MGAM: variants seen among roughly 807,000 people sequenced by gnomAD.
MGAM encodes maltase-glucoamylase, also known as alpha-1,4-glucosidase.
A neutral mutation model predicts 358.8 loss-of-function variants in MGAM; 253 were observed. That is an observed-to-expected ratio of 0.71 (90% CI 0.64 to 0.78). MGAM has a LOEUF of 0.78. MGAM is among the 30% of genes least tolerant of loss of function. The pLI, the probability that MGAM is intolerant of heterozygous loss-of-function variation, is 0.00. For synonymous variants in MGAM, 1,105 were observed against 1,227.1 expected (o/e 0.90, Z 2.08); for missense variants, 3,080 against 3,432.6 (o/e 0.90, Z 2.57).
At chr7:141,994,267 C>A (rs1554447943), upstream of MGAM, among the ~76,000 whole-genome samples, 1 of 152,178 alleles carries the variant, frequency 6.6e-6, no homozygotes, top group Non-Finnish European at 1.5e-5. Context: ...ATGAGAACAG[C>A]AGGCATTGCA....
chr7:142,059,728 C>T, intron 32 of MGAM, 128 bp downstream of exon 32: 1 of 1,570,912 alleles, frequency 6.4e-7, no homozygotes, highest in East Asian at 2.3e-5. Context: ...GTGTATTTCC[C>T]AGGACTCACA....
rs1241708113 is a variant in MGAM, at chr7:142,089,791, GA to G, written c.6811-2113del. ...GACACAGCGAGACTCCGTCTCAGAA[GA>G]AAAAAAAAGGAAGGAAAGTTATTAA... is the stretch of plus-strand genomic sequence containing the variant. On this transcript the variant is annotated intron_variant, in intron 57 of 70. Coordinates refer to ENST00000475668, the MANE Select transcript of MGAM (RefSeq NM_001365693.1). Among the ~76,000 whole-genome samples the G allele has an allele frequency of 5.6e-5, 8 of 142,372 alleles. 1 individual carries two copies. Among genetic ancestry groups the G allele is most frequent in the African/African-American group, 2.0e-4 (8 of 40,306 alleles). 93.4% of individuals were successfully genotyped at this position (142,372 alleles called of 152,430 possible).
chr7:142,062,304 C>T (rs186188831), intron 34 of MGAM, among the ~76,000 whole-genome samples: 11 of 152,236 alleles, frequency 7.2e-5, no homozygotes, highest in Middle Eastern at 3.4e-3. Context: ...GTCACTAGTT[C>T]GGGTCATTGA....
chr7:142,022,359 G>A lies in MGAM; in HGVS notation c.802G>A (p.Glu268Lys), dbSNP rs1223926013. Residue 268 changes from glutamate (E) to lysine (K), a missense_variant, in exon 7 of 71, where the codon GAG (glutamate) becomes AAG (lysine). By Grantham distance (56) the Glu-to-Lys change is moderately conservative. This residue lies in a region of MGAM where 1,816 missense variants were observed against 1,840.5 expected (regional missense o/e 0.99). Coordinates refer to ENST00000475668, the MANE Select transcript of MGAM (RefSeq NM_001365693.1). The part of the protein sequence containing the change: ...LPSTNVYGLG[E>K]HVHQQYRHDM... ...TAGCACTAACGTGTATGGCCTGGGAGAGCATGTGCACCAGCAGTATCGGCA... is the reference window on the plus strand; with the variant it reads ...TAGCACTAACGTGTATGGCCTGGGAAAGCATGTGCACCAGCAGTATCGGCA... 4 of 1,613,652 alleles carry A rather than the reference G, an allele frequency of 2.5e-6. No homozygotes were observed. Among genetic ancestry groups the A allele is most frequent in the Non-Finnish European group, 3.4e-6 (4 of 1,179,740 alleles).
intron 44 of MGAM, among the ~76,000 whole-genome samples, chr7:142,071,753 A>G (rs1364640308): frequency 6.9e-6 from 1 of 145,750 alleles, no homozygotes; most frequent in Non-Finnish European, 1.6e-5. Flanking sequence ...TTCTCCCGCT[A>G]AGAGATTTCT....
chr7:142,048,040 G>A (rs1367114763), intron 22 of MGAM, among the ~76,000 whole-genome samples, 167 bp downstream of exon 22: 1 of 152,074 alleles, frequency 6.6e-6, no homozygotes, highest in Admixed American at 6.6e-5. Flanking sequence ...AGTGGTAGAT[G>A]ACCTACAAAG....
Position 142,058,300 on chromosome 7 carries a change from A to C in MGAM, c.3791A>C (p.Asp1264Ala). The change falls in exon 31 of 71, where the codon GAT becomes GCT. Residue 1264 changes from aspartate to alanine, a missense_variant. Asp to Ala is a moderately radical substitution (Grantham distance 126). Transcript: ENST00000475668. ...GACTCTGAGATCGCCAGCTTGTATG[A>C]TGAGATGGTGGCTGCCCAGATCCCT... ...QNDSEIASLYDEMVAAQIPYD... is the reference protein window; with the variant it reads ...QNDSEIASLYAEMVAAQIPYD... 1 of 1,613,906 alleles carries C rather than the reference A, an allele frequency of 6.2e-7. No homozygotes were observed. The highest frequency in any genetic ancestry group is 8.5e-7 in the Non-Finnish European group (1 of 1,179,842).
chr7:142,075,812 A>G (rs6464457), intron 45 of MGAM, among the ~76,000 whole-genome samples: 64,275 of 144,822 alleles, frequency 0.44, 18,309 homozygotes, highest in Middle Eastern at 0.62. Flanking sequence ...TGGAGAAAAT[A>G]GAATTTTTTA....
intron 1 of MGAM, among the ~76,000 whole-genome samples, chr7:141,999,897 T>A (rs950263625): frequency 4.0e-5 from 6 of 151,122 alleles, no homozygotes; most frequent in Admixed American, 6.6e-5. Flanking sequence ...AATCAGATAA[T>A]GCTGGAGTTT....
At position 142,059,406 on chromosome 7, in the gene MGAM, G is replaced by C. The variant is rs116728083; in HGVS notation, c.3820-66G>C. 6,637 of 1,562,656 alleles carry C rather than the reference G, an allele frequency of 4.2e-3. 201 individuals are homozygous for C. In the African/African-American group the frequency reaches 0.07, roughly 16 times the overall value. On this transcript the variant is annotated intron_variant, in intron 31 of 70. Transcript: ENST00000475668. ...GGAATTCCACCATGGGTGGTGGAGG[G>C]TTGTTCTCCTATAAAGCTTGGGCGT... is the stretch of plus-strand genomic sequence containing the variant.
Position 142,086,236 on chromosome 7 carries a change from A to G in MGAM, c.6655A>G (p.Asn2219Asp). 3.2e-6 allele frequency: 5 copies of G among 1,539,724 alleles called. 2 individuals are homozygous for G. Among genetic ancestry groups the G allele is most frequent in the Non-Finnish European group, 4.4e-6 (5 of 1,123,656 alleles). Reference protein sequence around the residue: ...ILILDPAISGNETQPYPAFTR... With the variant: ...ILILDPAISGDETQPYPAFTR... ...ATTTCAGGATCCAGCCATTTCTGGC[A>G]ATGAGACACAGCCCTATCCTGCCTT... is the stretch of plus-strand genomic sequence containing the variant. Residue 2219 changes from asparagine to aspartate, a missense_variant, in exon 56 of 71, where the codon AAT (asparagine) becomes GAT (aspartate). Around this residue, in one of 5 missense-constraint regions of MGAM, gnomAD observed 932 missense variants for 1,198.2 expected, o/e 0.78. Transcript: ENST00000475668.
intron 24 of MGAM, among the ~76,000 whole-genome samples, chr7:142,051,738 G>T (rs1810969425): frequency 6.6e-6 from 1 of 151,996 alleles, no homozygotes; most frequent in Non-Finnish European, 1.5e-5. Flanking sequence ...TGATTATTAT[G>T]CCCTGTATGC....
Position 142,062,691 on chromosome 7 carries a change from G to A in MGAM, c.4246G>A (p.Gly1416Ser), listed in dbSNP as rs1348494719. 3 of 1,609,460 alleles carry A rather than the reference G, an allele frequency of 1.9e-6. No homozygotes were observed. In the East Asian group the frequency reaches 6.7e-5, roughly 36 times the overall value. The change falls in exon 35 of 71, where the codon GGC becomes AGC. Residue 1416 changes from glycine to serine, a missense_variant. Gly to Ser is a moderately conservative substitution (Grantham distance 56). Coordinates refer to ENST00000475668, the MANE Select transcript of MGAM (RefSeq NM_001365693.1). ...TCCAGAGAGGAGCTTGAAGTTTGAT[G>A]GCATGTGGATTGTAAGTGTGTGTGT... ...QNPERSLKFD[G>S]MWIDMNEPSS... is the part of the protein sequence containing the mutation.
chr7:142,001,088 A>C (rs1293502492), intron 1 of MGAM, among the ~76,000 whole-genome samples: 1 of 152,216 alleles, frequency 6.6e-6, no homozygotes, highest in African/African-American at 2.4e-5. Flanking sequence ...ATGAGAGATT[A>C]TTAATCTTTA....
At position 142,100,768 on chromosome 7, in the gene MGAM, T is replaced by C. The variant is rs774357095; in HGVS notation, c.7875-34T>C. 14 of 1,581,212 alleles carry C rather than the reference T, an allele frequency of 8.9e-6. 1 individual carries two copies. In the Admixed American group the frequency reaches 1.8e-4, roughly 20 times the overall value. ...TCTTGGTTTGTGGCTGTGGCTTTAC[T>C]TTTAGCTAATGCCTCTCTGCCTGCT... On this transcript the variant is annotated intron_variant, in intron 67 of 70. Coordinates refer to ENST00000475668, the MANE Select transcript of MGAM (RefSeq NM_001365693.1).
In MGAM at chr7:142,076,715, A is replaced by C. The variant is rs1475746187; in HGVS notation, c.5382A>C (p.Ala1794=). ...CCTACAAGGACCCCAATAATTTAGC[A>C]TTCAATGAGATTAAAATTCTTGGGA... is the stretch of plus-strand genomic sequence containing the variant. The part of the protein sequence containing the change: ...QSTYKDPNNL[A]FNEIKILGME... Residue 1794 remains alanine, a synonymous_variant, in exon 47 of 71, where the codon GCA becomes GCC. Transcript: ENST00000475668. 1 of 1,552,286 alleles carries C rather than the reference A, an allele frequency of 6.4e-7. No homozygotes were observed. The highest frequency in any genetic ancestry group is 1.3e-5 in the African/African-American group (1 of 74,558).
intron 7 of MGAM, among the ~76,000 whole-genome samples, chr7:142,022,643 G>A (rs1225873520): frequency 1.3e-5 from 2 of 152,154 alleles, no homozygotes; most frequent in Admixed American, 6.5e-5. Context: ...TAAAATGGAA[G>A]TAATATCTCA....
chr7:141,988,938 A>G (rs1247446536), intron 2 of MGAM, among the ~76,000 whole-genome samples: 1 of 152,350 alleles, frequency 6.6e-6, no homozygotes, highest in East Asian at 1.9e-4. Flanking sequence ...TGCAGGTGGC[A>G]TGAGATGTTA....
chr7:142,022,154 A>G (rs1806522606), intron 6 of MGAM, 114 bp from the exon 7 acceptor site: 5 of 980,258 alleles, frequency 5.1e-6, no homozygotes, highest in Admixed American at 2.7e-5. Context: ...GGCAAATGGG[A>G]CTGAATGAAT....
Sources: gnomAD v4.1 joint callset for allele counts (sites outside exome capture counted in the v4.1 genomes callset) on GRCh38, gnomAD v4.1.1 for gene constraint, gnomAD v4.1.1 regional missense constraint, MANE v1.5 for transcripts, NCBI Gene and HGNC (gene_info 2026-07-23, HGNC 2026-07-21) for gene names.